The following TBC1D21 variants were observed in gnomAD, a reference collection of about 807,000 sequenced individuals.
TBC1D21 encodes male germ cell Rab GTPase-activating protein.
In TBC1D21, 38 loss-of-function variants were observed where a neutral mutation model predicts 46.0. The observed-to-expected ratio is 0.83, with a 90% confidence interval of 0.64 to 1.08. The LOEUF (loss-of-function observed/expected upper bound fraction) is 1.08. Among genes scored for constraint, TBC1D21 ranks in the 50% least tolerant of loss-of-function variants. The pLI, the probability that TBC1D21 is intolerant of heterozygous loss-of-function variation, is 0.00. For missense variants in TBC1D21, 415 were observed against 417.9 expected (o/e 0.99, Z 0.06); for synonymous variants, 151 against 157.2 (o/e 0.96, Z 0.29).
the TBC1D21 span, among the ~76,000 whole-genome samples, chr15:73,901,981 G>T: frequency 3.3e-5 from 5 of 151,858 alleles, no homozygotes; most frequent in African/African-American, 1.2e-4. Context: ...CCAGCTAATT[G>T]TTTTTATTTT....
the TBC1D21 span, among the ~76,000 whole-genome samples, chr15:73,898,411 T>C: frequency 1.3e-5 from 2 of 152,210 alleles, no homozygotes; most frequent in Non-Finnish European, 2.9e-5. Context: ...ACCTCTCCTG[T>C]GGTTTTCTAC....
At chr15:73,876,793 A>AT (rs1434123533) in intron 1 of TBC1D21, among the ~76,000 whole-genome samples, 2 of 151,756 alleles carry the variant, frequency 1.3e-5, no homozygotes, top group African/African-American at 4.8e-5. Flanking sequence ...TTCGTCATTT[A>AT]TTTTTTAATC....
the TBC1D21 span, among the ~76,000 whole-genome samples, chr15:73,907,065 G>A: frequency 6.6e-6 from 1 of 152,022 alleles, no homozygotes; most frequent in Admixed American, 6.6e-5. Context: ...GCAGACAACT[G>A]GGCATCTCTC....
downstream of TBC1D21, among the ~76,000 whole-genome samples, chr15:73,889,725 C>T (rs1007763630): frequency 3.3e-5 from 5 of 152,256 alleles, no homozygotes; most frequent in African/African-American, 1.2e-4. Context: ...ATTTATCAGC[C>T]TGCAAATGTG....
the TBC1D21 span, among the ~76,000 whole-genome samples, chr15:73,899,535 A>G: frequency 1.3e-5 from 2 of 152,132 alleles, no homozygotes; most frequent in African/African-American, 4.8e-5. Flanking sequence ...AGTGGAAAGG[A>G]GAGAGTAAGG....
At chr15:73,887,866 G>A (rs1409825060) in intron 9 of TBC1D21, 130 bp downstream of exon 9, 1 of 716,092 alleles carries the variant, frequency 1.4e-6, no homozygotes, top group Non-Finnish European at 2.3e-6. Context: ...CAGACAGAAA[G>A]GGCAATGAGA....
rs1555429283 is a variant in TBC1D21 at position 73,880,328 on chromosome 15, A to ACC, written c.61-1069_61-1068dup. Among the ~76,000 whole-genome samples the ACC allele has an allele frequency of 4.5e-3, 677 of 150,880 alleles. 5 individuals carry two copies. Among genetic ancestry groups the ACC allele is most frequent in the African/African-American group, 0.016 (648 of 41,088 alleles). On this transcript the variant is annotated intron_variant, in intron 1 of 10. Transcript: ENST00000300504. Reference sequence around the variant, plus strand: ...ACCACACACACACACACACACACACACCCTTATCAAAAGCAGAGACTATCT... The same window carrying ACC: ...ACCACACACACACACACACACACACACCCCCTTATCAAAAGCAGAGACTATCT...
chr15:73,896,332 TA>T, the TBC1D21 span, among the ~76,000 whole-genome samples: 1 of 71,088 alleles, frequency 1.4e-5, no homozygotes, highest in Non-Finnish European at 3.9e-5. Context: ...AGGAGGAAAA[TA>T]GTGACGCTGC....
chr15:73,892,397 G>A (rs529894344), downstream of TBC1D21, among the ~76,000 whole-genome samples: 33 of 152,328 alleles, frequency 2.2e-4, no homozygotes, highest in Middle Eastern at 3.4e-3. Flanking sequence ...GAAGAGAGGA[G>A]AGAAGAGCTA....
downstream of TBC1D21, among the ~76,000 whole-genome samples, chr15:73,891,686 C>T (rs543451728): frequency 3.2e-4 from 48 of 152,350 alleles, no homozygotes; most frequent in African/African-American, 8.2e-4. Context: ...ACTCTGATTT[C>T]GGAGCAAAGC....
the TBC1D21 span, among the ~76,000 whole-genome samples, chr15:73,894,662 T>C: frequency 4.0e-5 from 6 of 151,880 alleles, no homozygotes; most frequent in Admixed American, 6.6e-5. Context: ...GGGCCAAGTG[T>C]TGTGAGGGGA....
Position 73,873,652 on chromosome 15 carries a change from C to A in TBC1D21, c.-58C>A. 1 of 1,540,684 alleles carries A rather than the reference C, an allele frequency of 6.5e-7. No individual in the cohort carries two copies. Among genetic ancestry groups the A allele is most frequent in the Non-Finnish European group, 8.8e-7 (1 of 1,130,544 alleles). On this transcript the variant is annotated 5_prime_UTR_variant, in exon 1 of 11. Coordinates refer to ENST00000300504, the MANE Select transcript of TBC1D21 (RefSeq NM_153356.3). ...CAACCCATCTCCGAAAAGGATTAAG[C>A]ATCACTAGGGCTCCAAGTGAGTTCT...
At chr15:73,901,960 C>T in the TBC1D21 span, among the ~76,000 whole-genome samples, 1 of 152,134 alleles carries the variant, frequency 6.6e-6, no homozygotes. Flanking sequence ...CACAGGCATA[C>T]ACCACCTCAC....
At chr15:73,884,962 T>TCCCCC in intron 5 of TBC1D21, 41 bp from the exon 6 acceptor site, 1 of 1,593,068 alleles carries the variant, frequency 6.3e-7, no homozygotes, top group Non-Finnish European at 8.6e-7. Context: ...GTCCAGGCTC[T>TCCCCC]CCCACCCAGC....
chr15:73,898,800 G>T, the TBC1D21 span, among the ~76,000 whole-genome samples: 1 of 143,796 alleles, frequency 7.0e-6, no homozygotes, highest in Non-Finnish European at 1.5e-5. Flanking sequence ...GGAGGTGGAG[G>T]TTGCAGTGAG....
chr15:73,898,886 T>A, the TBC1D21 span, among the ~76,000 whole-genome samples: 1,766 of 74,688 alleles, frequency 0.024, 43 homozygotes, highest in East Asian at 0.12. Context: ...AAAAAATATA[T>A]ATATATATAT....
the TBC1D21 span, among the ~76,000 whole-genome samples, chr15:73,907,053 C>G: frequency 1.3e-5 from 2 of 152,174 alleles, no homozygotes; most frequent in Middle Eastern, 3.2e-3. Context: ...CCAGGCCAGA[C>G]AGCAGACAAC....
intron 1 of TBC1D21, among the ~76,000 whole-genome samples, chr15:73,879,828 C>G (rs1379101326): frequency 6.6e-6 from 1 of 152,072 alleles, no homozygotes; most frequent in Non-Finnish European, 1.5e-5. Flanking sequence ...AGAGAGTATC[C>G]CAGGAAGAAA....
At chr15:73,877,112 G>A (rs966677084) in intron 1 of TBC1D21, among the ~76,000 whole-genome samples, 3 of 152,196 alleles carry the variant, frequency 2.0e-5, no homozygotes, top group African/African-American at 7.2e-5. Context: ...TAAATGGGTT[G>A]ATATATGTAA....
Sources: gnomAD v4.1 joint callset for allele counts (sites outside exome capture counted in the v4.1 genomes callset) on GRCh38, gnomAD v4.1.1 for gene constraint, MANE v1.5 for transcripts, NCBI Gene and HGNC (gene_info 2026-07-23, HGNC 2026-07-21) for gene names.